The following FAT3 variants were observed in gnomAD, a reference collection of about 807,000 sequenced individuals.
FAT3 encodes the protein FAT atypical cadherin 3.
Under a neutral mutation model 310.2 loss-of-function variants are expected in FAT3, and 95 were observed. The ratio of observed to expected loss-of-function variants is 0.31; its 90% CI spans 0.26 to 0.36. The LOEUF is 0.36. Among genes scored for constraint, FAT3 ranks in the 10% least tolerant of loss-of-function variants. The probability of loss-of-function intolerance (pLI) is 1.00; values close to 1 mark genes in which losing one functional copy is unlikely to be tolerated. For synonymous variants in FAT3, 2,314 were observed against 2,192.9 expected (o/e 1.06, Z -1.54); for missense variants, 5,408 against 5,715.6 (o/e 0.95, Z 1.74).
chr11:92,312,675 T>G (rs1434361299), intron 1 of FAT3, among the ~76,000 whole-genome samples: 6 of 152,192 alleles, frequency 3.9e-5, no homozygotes, highest in African/African-American at 1.4e-4. Context: ...ATTTTAGGTG[T>G]ATCTTGTCAC....
chr11:92,526,713 G>T (rs1953879163), intron 3 of FAT3, among the ~76,000 whole-genome samples: 1 of 152,096 alleles, frequency 6.6e-6, no homozygotes, highest in African/African-American at 2.4e-5. Flanking sequence ...AGAAAGCCCT[G>T]TTTTATCACT....
At chr11:92,887,373 T>C (rs1469587992) in intron 25 of FAT3, among the ~76,000 whole-genome samples, 2 of 152,236 alleles carry the variant, frequency 1.3e-5, no homozygotes, top group Non-Finnish European at 2.9e-5. Flanking sequence ...TAGTGAGTCC[T>C]CTTTTATTTG....
intron 3 of FAT3, among the ~76,000 whole-genome samples, chr11:92,623,997 AT>A (rs1216135891): frequency 5.9e-5 from 9 of 152,116 alleles, no homozygotes; most frequent in Non-Finnish European, 1.2e-4. Context: ...TTATGAAACT[AT>A]TTTTTTGTGG....
intron 3 of FAT3, among the ~76,000 whole-genome samples, chr11:92,616,236 CTTCT>C (rs1218058465): frequency 2.0e-5 from 3 of 152,190 alleles, no homozygotes; most frequent in African/African-American, 7.2e-5. Context: ...ATGTAATGGC[CTTCT>C]TTGTCTCTTT....
At chr11:92,857,416 T>G in intron 20 of FAT3, 68 bp downstream of exon 20, 1 of 1,599,988 alleles carries the variant, frequency 6.3e-7, no homozygotes, top group Non-Finnish European at 8.5e-7. Flanking sequence ...TTGAGTAAAT[T>G]ACACCATCCA....
Position 92,764,971 on chromosome 11 carries a change from A to G in FAT3, c.4077A>G (p.Pro1359=), listed in dbSNP as rs893602672. Residue 1359 remains proline (P), a synonymous_variant, in exon 6 of 28, where the codon CCA becomes CCG. Transcript: ENST00000525166. ...WIKKPPPSPI[P]LTFDEPFYNF... ...AGAAACCACCCCCTTCACCTATACC[A>G]TTGACCTTCGATGAGCCGTTTTATA... The G allele has an allele frequency of 1.9e-6, 3 of 1,613,720 alleles. No individual in the cohort carries two copies. The highest frequency in any genetic ancestry group is 1.6e-4 in the Middle Eastern group (1 of 6,084).
chr11:92,353,960 T>G lies in FAT3; in HGVS notation c.1848T>G (p.Ile616Met), dbSNP rs1284687051. ...DELELVKYKI[I>M]SGNELGFFYL... ...TTGAACTTGTAAAGTACAAAATCATTTCTGGAAATGAACTTGGCTTCTTTT... is the reference window on the plus strand; with the variant it reads ...TTGAACTTGTAAAGTACAAAATCATGTCTGGAAATGAACTTGGCTTCTTTT... Residue 616 changes from isoleucine (I) to methionine (M), a missense_variant, in exon 2 of 28, where the codon ATT (isoleucine) becomes ATG (methionine). By Grantham distance (10) the Ile-to-Met change is conservative. Transcript: ENST00000525166. 1.9e-6 allele frequency: 3 copies of G among 1,612,434 alleles called. No individual in the cohort carries two copies. Among genetic ancestry groups the G allele is most frequent in the Non-Finnish European group, 1.7e-6 (2 of 1,178,948 alleles).
At chr11:92,536,851 C>T (rs917246469) in intron 3 of FAT3, among the ~76,000 whole-genome samples, 1 of 152,144 alleles carries the variant, frequency 6.6e-6, no homozygotes, top group African/African-American at 2.4e-5. Flanking sequence ...CTCTCCTTGT[C>T]TTCAATATTT....
chr11:92,883,381 G>A lies in FAT3; in HGVS notation c.12925G>A (p.Ala4309Thr), dbSNP rs1432906018. The change falls in exon 24 of 28, where the codon GCG (alanine) becomes ACG (threonine). Residue 4309 changes from alanine to threonine, a missense_variant. This residue lies in a region of FAT3 where 649 missense variants were observed against 666.2 expected (regional missense o/e 0.97). Transcript: ENST00000525166. This position sits in a 1 kb window ranked among gnomAD's most constrained non-coding sequence, Gnocchi z 4.2. ...CDSIRKNGWDAGTENKGVDDP... is the reference protein window; with the variant it reads ...CDSIRKNGWDTGTENKGVDDP... The stretch of plus-strand genomic sequence containing the variant: ...CTCCATCCGGAAGAATGGCTGGGAC[G>A]CGGGAACTGAGAGTGAGTAGGAAGT... 6 of 1,601,934 alleles carry A rather than the reference G, an allele frequency of 3.7e-6. No homozygotes were observed. The East Asian group carries it at 9.0e-5, about 24-fold the overall frequency.
intron 2 of FAT3, among the ~76,000 whole-genome samples, chr11:92,468,910 T>G (rs1453999169): frequency 6.6e-6 from 1 of 152,228 alleles, no homozygotes; most frequent in Non-Finnish European, 1.5e-5. Context: ...TTAGAAGCCC[T>G]GTGCCAATCT....
At chr11:92,249,957 A>C (rs909841747) in intron 1 of FAT3, among the ~76,000 whole-genome samples, 1 of 152,134 alleles carries the variant, frequency 6.6e-6, no homozygotes, top group African/African-American at 2.4e-5. Flanking sequence ...ACAGACTTTC[A>C]TCTGTCATAA....
At chr11:92,403,648 A>G (rs982509528) in intron 2 of FAT3, among the ~76,000 whole-genome samples, 25 of 152,204 alleles carry the variant, frequency 1.6e-4, no homozygotes, top group African/African-American at 5.8e-4. Flanking sequence ...GGACAACTGC[A>G]CTACTAAAGG....
chr11:92,236,999 A>G (rs1211997041), intron 1 of FAT3, among the ~76,000 whole-genome samples: 1 of 150,412 alleles, frequency 6.6e-6, no homozygotes, highest in African/African-American at 2.4e-5. Flanking sequence ...TTTTTTCCCT[A>G]TTAACTCATG....
intron 4 of FAT3, among the ~76,000 whole-genome samples, chr11:92,698,756 T>C (rs1015486006): frequency 6.6e-6 from 1 of 152,174 alleles, no homozygotes; most frequent in Non-Finnish European, 1.5e-5. Flanking sequence ...GGTCCAGAAC[T>C]TAAATACATT....
rs1276709819 is a variant in FAT3, at chr11:92,315,506, TATATATAGAGAGAGAG to T, written c.-17-36588_-17-36573del. On this transcript the variant is annotated intron_variant, in intron 1 of 27. Coordinates refer to ENST00000525166, the MANE Select transcript of FAT3 (RefSeq NM_001367949.2). ...ATATATATATATATATATATATATA[TATATATAGAGAGAGAG>T]AGAGAGAGAGAGAGAGAGAGAGAGA... Among the ~76,000 whole-genome samples, 273 of 86,528 alleles carry T rather than the reference TATATATAGAGAGAGAG, an allele frequency of 3.2e-3. 1 individual carries two copies. Among genetic ancestry groups the T allele is most frequent in the African/African-American group, 0.013 (257 of 20,400 alleles). 56.8% of individuals were successfully genotyped at this position (86,528 alleles called of 152,430 possible).
chr11:92,684,418 G>A (rs1389048064), intron 3 of FAT3, among the ~76,000 whole-genome samples: 5 of 152,144 alleles, frequency 3.3e-5, no homozygotes, highest in Admixed American at 2.0e-4. Flanking sequence ...CAGACCCACT[G>A]CCAGTTGCAG....
Position 92,866,770 on chromosome 11 carries a change from G to A in FAT3, c.11688G>A (p.Leu3896=), listed in dbSNP as rs2136347150. 6.2e-7 allele frequency: 1 copy of A among 1,613,664 alleles called. No individual in the cohort carries two copies. The highest frequency in any genetic ancestry group is 8.5e-7 in the Non-Finnish European group (1 of 1,179,832). ...KIVDGKLWFQ[L]DCGSGPGILG... is the part of the protein sequence containing the mutation. ...TGGATGGCAAGCTGTGGTTCCAGCTGGACTGCGGCAGCGGCCCTGGAATCT... is the reference window on the plus strand; with the variant it reads ...TGGATGGCAAGCTGTGGTTCCAGCTAGACTGCGGCAGCGGCCCTGGAATCT... The change falls in exon 22 of 28, where the codon CTG becomes CTA. Residue 3896 remains leucine (L), a synonymous_variant. Transcript: ENST00000525166.
intron 18 of FAT3, 44 bp downstream of exon 18, chr11:92,840,803 C>A (rs1290772513): frequency 1.4e-6 from 2 of 1,474,792 alleles, no homozygotes; most frequent in East Asian, 2.3e-5. Flanking sequence ...CTTTCTTTCT[C>A]ATGCTTGTTT....
chr11:92,790,099 CAT>C lies in FAT3; in HGVS notation c.4494_4495del (p.His1498GlnfsTer14). On this transcript the variant is annotated frameshift_variant, in exon 8 of 28. Coordinates refer to ENST00000525166, the MANE Select transcript of FAT3 (RefSeq NM_001367949.2). LOFTEE classifies it high-confidence loss of function. ...GAAGCACAAGCTGAGCTACACTGTT[CAT>C]AGCAGCATCGACTCCATCAGCATGA... is the stretch of plus-strand genomic sequence containing the variant. Reference protein sequence around the residue: ...DEKHKLSYTVHSSIDSISMRK... With the variant: ...DEKHKLSYTVXSSIDSISMRK... 1 of 1,613,818 alleles carries C rather than the reference CAT, an allele frequency of 6.2e-7. No individual in the cohort carries two copies. Among genetic ancestry groups the C allele is most frequent in the Non-Finnish European group, 8.5e-7 (1 of 1,179,746 alleles).
Sources: allele counts gnomAD v4.1 joint callset (sites outside exome capture counted in the v4.1 genomes callset), GRCh38; gene constraint gnomAD v4.1.1; regional missense constraint gnomAD v4.1.1; non-coding constraint Gnocchi (gnomAD v3.1); transcripts MANE v1.5; gene names NCBI Gene and HGNC (gene_info 2026-07-23, HGNC 2026-07-21).